The following PTK2B variants were observed in gnomAD, a reference collection of about 807,000 sequenced individuals.
The protein encoded by PTK2B is protein-tyrosine kinase 2-beta.
Under a neutral mutation model 142.9 loss-of-function variants are expected in PTK2B, and 71 were observed. That is an observed-to-expected ratio of 0.50 (90% CI 0.41 to 0.61). PTK2B has a LOEUF of 0.61. PTK2B is among the 20% of genes least tolerant of loss of function. The pLI, the probability that PTK2B is intolerant of heterozygous loss-of-function variation, is 0.00. For missense variants in PTK2B, 1,105 were observed against 1,320.4 expected, an observed-to-expected ratio of 0.84 and a Z score of 2.53; for synonymous variants, 519 against 503.4, an observed-to-expected ratio of 1.03 and a Z score of -0.42.
intron 1 of PTK2B, among the ~76,000 whole-genome samples, chr8:27,355,115 T>C (rs1250795751): frequency 1.3e-5 from 2 of 152,202 alleles, no homozygotes; most frequent in Non-Finnish European, 2.9e-5. Flanking sequence ...GATGTCCGCA[T>C]CCTAATCCCA....
At chr8:27,320,029 A>G (rs1803176872) in intron 3 of PTK2B, among the ~76,000 whole-genome samples, 1 of 152,134 alleles carries the variant, frequency 6.6e-6, no homozygotes, top group Non-Finnish European at 1.5e-5. Context: ...AACTCTAGCC[A>G]GCCTGTATAC....
At position 27,453,109 on chromosome 8, in the gene PTK2B, T is replaced by TG; in HGVS notation, c.2549-4dup. On this transcript the variant is annotated splice_polypyrimidine_tract_variant and splice_region_variant and intron_variant, in intron 27 of 30. Coordinates refer to ENST00000346049, the MANE Select transcript of PTK2B (RefSeq NM_173176.3). The stretch of plus-strand genomic sequence containing the variant: ...GCCCCCCACTTGCTGTTCTTTTTAT[T>TG]GCAGTGGAGTTCACAGGGCCCCCAC... 3 of 1,613,976 alleles carry TG rather than the reference T, an allele frequency of 1.9e-6. No homozygotes were observed. Among genetic ancestry groups the TG allele is most frequent in the Non-Finnish European group, 2.5e-6 (3 of 1,179,990 alleles).
chr8:27,373,266 C>G (rs1420093169), intron 1 of PTK2B, among the ~76,000 whole-genome samples: 1 of 152,178 alleles, frequency 6.6e-6, no homozygotes, highest in Non-Finnish European at 1.5e-5. Context: ...AGTCTGTGTT[C>G]AAAGCACACA....
chr8:27,448,473 G>A (rs1057293137), intron 24 of PTK2B, among the ~76,000 whole-genome samples: 8 of 152,170 alleles, frequency 5.3e-5, no homozygotes, highest in African/African-American at 1.9e-4. Context: ...TTCTCCTTGA[G>A]TTTTATTATG....
At position 27,442,938 on chromosome 8, in the gene PTK2B, C is replaced by T. The variant is rs771705334; in HGVS notation, c.2103C>T (p.Thr701=). The T allele has an allele frequency of 7.4e-6, 12 of 1,614,066 alleles. No homozygotes were observed. The highest frequency in any genetic ancestry group is 1.0e-5 in the Non-Finnish European group (12 of 1,180,018). The change falls in exon 22 of 31, where the codon ACC becomes ACT. Residue 701 remains threonine (T), a synonymous_variant. Coordinates refer to ENST00000346049, the MANE Select transcript of PTK2B (RefSeq NM_173176.3). ...MEQERNARYR[T]PKILEPTAFQ... ...AAGAGAGGAATGCTCGCTACCGAAC[C>T]CCCAAAATCTTGGAGCCCACAGCCT...
chr8:27,410,980 C>CG (rs1452867643), intron 2 of PTK2B, among the ~76,000 whole-genome samples: 1 of 152,202 alleles, frequency 6.6e-6, no homozygotes, highest in East Asian at 1.9e-4. Context: ...CATGGGCAGT[C>CG]GGAGAGCCTG....
intron 8 of PTK2B, 31 bp downstream of exon 8, chr8:27,431,047 G>A (rs754464082): frequency 9.4e-6 from 15 of 1,596,212 alleles, no homozygotes; most frequent in Non-Finnish European, 9.4e-6. Flanking sequence ...TCCTCTCCCT[G>A]ACCTGGATTC....
chr8:27,311,395 A>AG (rs908016091), upstream of PTK2B: 131 of 823,546 alleles, frequency 1.6e-4, 1 homozygote, highest in African/African-American at 1.2e-3. Flanking sequence ...GGGGATGGCG[A>AG]GGGGGAGGGA....
intron 3 of PTK2B, among the ~76,000 whole-genome samples, chr8:27,316,264 G>A (rs1409755855): frequency 2.0e-5 from 3 of 151,398 alleles, no homozygotes; most frequent in African/African-American, 4.9e-5. Context: ...AAATTCCCAG[G>A]TGCAGAGAGT....
In PTK2B at chr8:27,440,205, C is replaced by A. The variant is rs377262650; in HGVS notation, c.1835-32C>A. On this transcript the variant is annotated intron_variant, in intron 20 of 30. Transcript: ENST00000346049. ...CTGGGTGGGAGGGACTGGTCTCCCC[C>A]ACCCAGGGCCTGACGCTCCCTTACA... 4 of 1,608,382 alleles carry A rather than the reference C, an allele frequency of 2.5e-6. No homozygotes were observed. In the South Asian group the frequency reaches 3.3e-5, roughly 13 times the overall value.
chr8:27,362,762 G>A (rs1041654198), intron 1 of PTK2B, among the ~76,000 whole-genome samples: 14 of 152,154 alleles, frequency 9.2e-5, no homozygotes, highest in Admixed American at 3.3e-4. Flanking sequence ...GCAAAGAGCC[G>A]TTACCATGCA....
intron 1 of PTK2B, among the ~76,000 whole-genome samples, chr8:27,390,785 T>C (rs1302475575): frequency 6.6e-6 from 1 of 152,202 alleles, no homozygotes; most frequent in Admixed American, 6.5e-5. Context: ...AAGTAACCTC[T>C]GATACTCCAG....
chr8:27,403,735 G>A (rs1808518194), intron 2 of PTK2B, among the ~76,000 whole-genome samples: 1 of 150,870 alleles, frequency 6.6e-6, no homozygotes, highest in Non-Finnish European at 1.5e-5. Flanking sequence ...ACACAGGGCG[G>A]CTCTCTTTGG....
rs58485965 is a variant in PTK2B, at chr8:27,378,601, CTGTGTGTGTG to C, written c.-37-18907_-37-18898del. ...AAGAGTATAAAATCTTACAGCTTATCTGTGTGTGTGTGTGTGTGTGTGTGTGTGTGTGTGT... is the reference window on the plus strand; with the variant it reads ...AAGAGTATAAAATCTTACAGCTTATCTGTGTGTGTGTGTGTGTGTGTGTGT... On this transcript the variant is annotated intron_variant, in intron 1 of 30. Transcript: ENST00000346049. Among the ~76,000 whole-genome samples the C allele has an allele frequency of 7.4e-3, 1,101 of 148,260 alleles. 8 individuals are homozygous for C. Among genetic ancestry groups the C allele is most frequent in the East Asian group, 0.017 (82 of 4,898 alleles).
intron 2 of PTK2B, among the ~76,000 whole-genome samples, chr8:27,412,226 T>C (rs117036368): frequency 0.016 from 2,394 of 152,222 alleles, 34 homozygotes; most frequent in Non-Finnish European, 0.025. Flanking sequence ...CAGCTCCCCT[T>C]CCCTCCCTGG....
intron 3 of PTK2B, among the ~76,000 whole-genome samples, chr8:27,319,176 A>C (rs561045032): frequency 6.6e-6 from 1 of 152,080 alleles, no homozygotes; most frequent in African/African-American, 2.4e-5. Flanking sequence ...AAATGCACTC[A>C]ATATTTTAGA....
chr8:27,436,525 A>G (rs867076266), intron 15 of PTK2B, among the ~76,000 whole-genome samples, 177 bp downstream of exon 15: 1 of 152,074 alleles, frequency 6.6e-6, no homozygotes, highest in South Asian at 2.1e-4. Context: ...AGAGTGGTGG[A>G]GACAAGAGTC....
At chr8:27,339,323 T>C (rs1468634803) in intron 1 of PTK2B, among the ~76,000 whole-genome samples, 2 of 152,218 alleles carry the variant, frequency 1.3e-5, no homozygotes, top group Non-Finnish European at 2.9e-5. Context: ...GGGTTGCTGA[T>C]GTTTTGTGTG....
chr8:27,311,437 G>T, upstream of PTK2B: 1 of 658,084 alleles, frequency 1.5e-6, no homozygotes, highest in Non-Finnish European at 2.5e-6. Flanking sequence ...ACCCACTTCC[G>T]GTGTGCGCGG....
Sources: gnomAD v4.1 joint callset for allele counts (sites outside exome capture counted in the v4.1 genomes callset) on GRCh38, gnomAD v4.1.1 for gene constraint, MANE v1.5 for transcripts, NCBI Gene and HGNC (gene_info 2026-07-23, HGNC 2026-07-21) for gene names.